TMOD3: variants seen among roughly 807,000 people sequenced by gnomAD.
TMOD3 encodes the protein tropomodulin 3.
A neutral mutation model predicts 39.2 loss-of-function variants in TMOD3; 20 were observed. The observed-to-expected ratio is 0.51, with a 90% CI of 0.36 to 0.74. The LOEUF is 0.74. Ranked by LOEUF, TMOD3 falls within the 30% of genes least tolerant of loss-of-function variation. The pLI is 0.00. For synonymous variants in TMOD3, 143 were observed against 145.8 expected (o/e 0.98, Z 0.14); for missense variants, 381 against 412.8 (o/e 0.92, Z 0.67).
rs1317461074 is a variant in TMOD3 at position 51,897,696 on chromosome 15, G to A, written c.735+1170G>A. Reference sequence around the variant, plus strand: ...GATGTGGTTTCACCATATTGGCCAGGCTGGTCTCGAGCTCCTGACCTTGTG... The same window carrying A: ...GATGTGGTTTCACCATATTGGCCAGACTGGTCTCGAGCTCCTGACCTTGTG... On this transcript the variant is annotated intron_variant, in intron 7 of 9. Coordinates refer to ENST00000308580, the MANE Select transcript of TMOD3 (RefSeq NM_014547.5). Among the ~76,000 whole-genome samples, 3 of 147,726 alleles carry A rather than the reference G, an allele frequency of 2.0e-5. No homozygotes were observed. The Admixed American group carries it at 2.0e-4, about 10-fold the overall frequency.
intron 9 of TMOD3, among the ~76,000 whole-genome samples, chr15:51,904,272 A>G (rs1329994317): frequency 1.3e-5 from 2 of 152,206 alleles, no homozygotes; most frequent in Non-Finnish European, 2.9e-5. Context: ...AACTAATTAT[A>G]TGTAGTAGTC....
intron 1 of TMOD3, among the ~76,000 whole-genome samples, chr15:51,842,957 T>A (rs2056319533): frequency 6.6e-6 from 1 of 152,190 alleles, no homozygotes; most frequent in African/African-American, 2.4e-5. Context: ...AGAAGTGTGC[T>A]GTGTCTCTGA....
chr15:51,854,054 G>A (rs2056376280), intron 1 of TMOD3, among the ~76,000 whole-genome samples: 1 of 152,156 alleles, frequency 6.6e-6, no homozygotes, highest in East Asian at 1.9e-4. Context: ...GTGATGGGGA[G>A]CAGTCCGAGA....
At chr15:51,847,353 A>G (rs1595891486) in intron 1 of TMOD3, among the ~76,000 whole-genome samples, 1 of 152,320 alleles carries the variant, frequency 6.6e-6, no homozygotes, top group East Asian at 1.9e-4. Context: ...TTTAAAATGC[A>G]AGATGGCATT....
At position 51,868,443 on chromosome 15, in the gene TMOD3, C is replaced by G. The variant is rs1434498494; in HGVS notation, c.127-774C>G. On this transcript the variant is annotated intron_variant, in intron 2 of 9. Coordinates refer to ENST00000308580, the MANE Select transcript of TMOD3 (RefSeq NM_014547.5). ...TTTTTCCTGATCCTCTACCTCCTCC[C>G]ACCCTCCACCCTCCTCTATGCTCCA... Among the ~76,000 whole-genome samples the G allele has an allele frequency of 2.6e-5, 4 of 152,234 alleles. No individual in the cohort carries two copies. The East Asian group carries it at 5.8e-4, about 22-fold the overall frequency.
intron 1 of TMOD3, chr15:51,859,345 A>G: frequency 2.0e-5 from 14 of 710,452 alleles, no homozygotes; most frequent in South Asian, 1.5e-4. Flanking sequence ...CAAAGATCAG[A>G]ATCTACAGAT....
chr15:51,851,912 T>C (rs559096252), intron 1 of TMOD3, among the ~76,000 whole-genome samples: 1 of 152,324 alleles, frequency 6.6e-6, no homozygotes, highest in Admixed American at 6.5e-5. Flanking sequence ...GAGAGCTGCT[T>C]GGAGACCTCA....
chr15:51,895,515 C>T (rs542820645), intron 6 of TMOD3, among the ~76,000 whole-genome samples: 3 of 152,148 alleles, frequency 2.0e-5, no homozygotes, highest in Non-Finnish European at 4.4e-5. Flanking sequence ...CCACTGCGCC[C>T]GGCCTATTTT....
intron 2 of TMOD3, 111 bp from the exon 3 acceptor site, chr15:51,869,106 G>A: frequency 8.6e-7 from 1 of 1,167,812 alleles, no homozygotes; most frequent in Non-Finnish European, 1.2e-6. Flanking sequence ...GAAGTGTTTA[G>A]TGCCTGTATC....
At chr15:51,883,377 A>G (rs1044499079) in intron 3 of TMOD3, among the ~76,000 whole-genome samples, 1 of 152,254 alleles carries the variant, frequency 6.6e-6, no homozygotes, top group Non-Finnish European at 1.5e-5. Flanking sequence ...AAAAATAAGC[A>G]TCTTAGATTT....
intron 6 of TMOD3, among the ~76,000 whole-genome samples, chr15:51,896,073 A>AC (rs1310892937): frequency 6.6e-6 from 1 of 152,182 alleles, no homozygotes; most frequent in Non-Finnish European, 1.5e-5. Flanking sequence ...GCGCCGTTGC[A>AC]CTCCAACCTG....
chr15:51,830,166 G>C (rs1327743097), intron 1 of TMOD3, among the ~76,000 whole-genome samples: 3 of 152,130 alleles, frequency 2.0e-5, no homozygotes, highest in Non-Finnish European at 4.4e-5. Context: ...CTGGCTCCCT[G>C]CACCCTACCC....
chr15:51,887,459 A>G, intron 3 of TMOD3, 130 bp from the exon 4 acceptor site: 1 of 1,024,808 alleles, frequency 9.8e-7, no homozygotes, highest in Non-Finnish European at 1.4e-6. Flanking sequence ...TATGTCAGAG[A>G]TAAAACAAAA....
chr15:51,834,740 A>G (rs1352249653), intron 1 of TMOD3, among the ~76,000 whole-genome samples: 5 of 152,150 alleles, frequency 3.3e-5, no homozygotes, highest in Admixed American at 3.3e-4. Flanking sequence ...CTGAGGCAGG[A>G]GGATCATCTG....
chr15:51,906,350 T>C (rs369273582), intron 9 of TMOD3, among the ~76,000 whole-genome samples: 2 of 152,344 alleles, frequency 1.3e-5, no homozygotes, highest in South Asian at 2.1e-4. Context: ...ATAGTTCTTT[T>C]TCACCTTGTA....
intron 6 of TMOD3, 109 bp from the exon 7 acceptor site, chr15:51,896,310 A>G (rs2056620245): frequency 1.0e-5 from 7 of 698,290 alleles, no homozygotes; most frequent in African/African-American, 1.8e-5. Flanking sequence ...AGGTGTTTGT[A>G]TAATTTCTGA....
At chr15:51,890,361 G>A (rs1343586616) in intron 5 of TMOD3, among the ~76,000 whole-genome samples, 1 of 143,166 alleles carries the variant, frequency 7.0e-6, no homozygotes, top group African/African-American at 2.6e-5. Flanking sequence ...TTTTTTAGTA[G>A]AGATGGGGTT....
intron 3 of TMOD3, among the ~76,000 whole-genome samples, chr15:51,871,390 T>G (rs2056474038): frequency 6.6e-6 from 1 of 152,224 alleles, no homozygotes; most frequent in African/African-American, 2.4e-5. Context: ...GAAAAAATAC[T>G]GGTTGATCAC....
chr15:51,884,277 G>T (rs1238637813), intron 3 of TMOD3, among the ~76,000 whole-genome samples: 2 of 152,184 alleles, frequency 1.3e-5, no homozygotes, highest in Non-Finnish European at 2.9e-5. Context: ...TTGTGTTCTA[G>T]GCAAGGATGC....
Sources: allele counts gnomAD v4.1 joint callset (sites outside exome capture counted in the v4.1 genomes callset), GRCh38; gene constraint gnomAD v4.1.1; transcripts MANE v1.5; gene names NCBI Gene and HGNC (gene_info 2026-07-23, HGNC 2026-07-21).